Variants in PIAS3 observed in about 807,000 individuals in gnomAD.
PIAS3 encodes E3 SUMO-protein ligase PIAS3.
In PIAS3, 34 loss-of-function variants were observed where a neutral mutation model predicts 67.6. That is an observed-to-expected ratio of 0.50 (90% CI 0.38 to 0.67). The LOEUF is 0.67. PIAS3 is among the 30% of genes least tolerant of loss of function. The pLI is 0.00. For synonymous variants in PIAS3, 341 were observed against 313.8 expected (o/e 1.09, Z -0.92); for missense variants, 693 against 791.6 (o/e 0.88, Z 1.49).
intron 13 of PIAS3, 89 bp downstream of exon 13, chr1:145,850,143 C>T: frequency 6.9e-6 from 11 of 1,600,192 alleles, no homozygotes; most frequent in Non-Finnish European, 8.5e-6. Flanking sequence ...ATTTACATCC[C>T]CAGAGATCAT....
Position 145,850,599 on chromosome 1 carries a change from A to G in PIAS3, c.1449-13T>C, listed in dbSNP as rs1553734027. The G allele has an allele frequency of 1.9e-6, 3 of 1,611,810 alleles. No individual in the cohort carries two copies. Among genetic ancestry groups the G allele is most frequent in the Admixed American group, 3.3e-5 (2 of 59,980 alleles). Reference sequence around the variant, plus strand: ...AGATGTCAGGACTCTGTGGGTAGAGAGGAGCTGAGGCAGCCAGCAAACCAC... The same window carrying G: ...AGATGTCAGGACTCTGTGGGTAGAGGGGAGCTGAGGCAGCCAGCAAACCAC... On this transcript the variant is annotated splice_polypyrimidine_tract_variant and intron_variant, in intron 11 of 13. Transcript: ENST00000393045.
rs782434903 is a variant in PIAS3 at position 145,856,429 on chromosome 1, A to G, written c.445T>C (p.Ser149Pro). 1.9e-6 allele frequency: 3 copies of G among 1,614,036 alleles called. No homozygotes were observed. The highest frequency in any genetic ancestry group is 1.7e-6 in the Non-Finnish European group (2 of 1,179,900). ...TCCTCAAACCGCTGGCTAGAAGTGG[A>G]TGCTGAGGATACAAAGGGGCAGTTA... is the stretch of plus-strand genomic sequence containing the variant. Reference protein sequence around the residue: ...GELIRPTTLASTSSQRFEEAH... With the variant: ...GELIRPTTLAPTSSQRFEEAH... Residue 149 changes from serine to proline, a missense_variant and splice_region_variant, in exon 3 of 14, where the codon TCC becomes CCC. By Grantham distance (74) the Ser-to-Pro change is moderately conservative. Coordinates refer to ENST00000393045, the MANE Select transcript of PIAS3 (RefSeq NM_006099.3).
rs1653306478 is a variant in PIAS3, at chr1:145,858,885, C to T, written c.24+82G>A. On this transcript the variant is annotated intron_variant, in intron 1 of 13. Transcript: ENST00000393045. ...ACGTCGTCGGCGCCCACCCGAGCCC[C>T]GGCACCCAGTCTCGGTCGCTTCCCG... 8.4e-6 allele frequency: 11 copies of T among 1,315,608 alleles called. No homozygotes were observed. The South Asian group carries it at 1.7e-4, about 20-fold the overall frequency. The allele number at this position is 1,315,608 out of a possible 1,614,324, so 81.5% of individuals were successfully genotyped here. A position where few individuals can be genotyped will look rare whatever the true frequency, so the allele number is the denominator to read the frequency against.
chr1:145,850,129 G>T, intron 13 of PIAS3, 103 bp downstream of exon 13: 1 of 1,584,034 alleles, frequency 6.3e-7, no homozygotes, highest in Non-Finnish European at 8.6e-7. Flanking sequence ...TCACGGGAAA[G>T]CAGATTTACA....
chr1:145,850,379 A>C (rs1652907412), intron 12 of PIAS3, 74 bp downstream of exon 12: 1 of 1,611,026 alleles, frequency 6.2e-7, no homozygotes, highest in African/African-American at 1.3e-5. Context: ...AGGCTTTGAG[A>C]AGGAACAGGG....
Position 145,853,514 on chromosome 1 carries a change from T to C in PIAS3, c.1135A>G (p.Ile379Val), listed in dbSNP as rs782673556. Residue 379 changes from isoleucine (I) to valine (V), a missense_variant, in exon 9 of 14, where the codon ATC (isoleucine) becomes GTC (valine). Ile to Val is a conservative substitution (Grantham distance 29, BLOSUM62 3). This residue lies in a region of PIAS3 where 115 missense variants were observed against 181.8 expected (regional missense o/e 0.63). Transcript: ENST00000393045. ...CDKKAPYESL[I>V]IDGLFMEILS... ...GCAAAATGGCCCTACCCATCAATGA[T>C]AAGAGATTCATAGGGAGCCTTCTTG... The C allele has an allele frequency of 3.1e-6, 5 of 1,610,086 alleles. No homozygotes were observed. The highest frequency in any genetic ancestry group is 4.2e-6 in the Non-Finnish European group (5 of 1,177,940).
In PIAS3 at chr1:145,849,608, G is replaced by C. The variant is rs1553733618; in HGVS notation, c.1725C>G (p.Pro575=). Residue 575 remains proline, a synonymous_variant, in exon 14 of 14, where the codon CCC becomes CCG. Coordinates refer to ENST00000393045, the MANE Select transcript of PIAS3 (RefSeq NM_006099.3). Reference sequence around the variant, plus strand: ...CGCTGCAGTGGGAGCTCCCCAGCGTGGGGGCCAGTGGGCCCAGAAAGTGAG... The same window carrying C: ...CGCTGCAGTGGGAGCTCCCCAGCGTCGGGGCCAGTGGGCCCAGAAAGTGAG... ...TPSHFLGPLA[P]TLGSSHCSAT... 2 of 1,613,340 alleles carry C rather than the reference G, an allele frequency of 1.2e-6. No homozygotes were observed. The highest frequency in any genetic ancestry group is 1.7e-6 in the Non-Finnish European group (2 of 1,179,664).
chr1:145,856,512 C>T (rs1653192810), intron 2 of PIAS3, 77 bp downstream of exon 2: 18 of 1,599,952 alleles, frequency 1.1e-5, no homozygotes, highest in Non-Finnish European at 1.5e-5. Flanking sequence ...TCACTGATCC[C>T]ATAGGACTAA....
In PIAS3 at chr1:145,850,805, A is replaced by T. The variant is rs1553734118; in HGVS notation, c.1414T>A (p.Ser472Thr). The T allele has an allele frequency of 6.2e-7, 1 of 1,614,196 alleles. No individual in the cohort carries two copies. The highest frequency in any genetic ancestry group is 8.5e-7 in the Non-Finnish European group (1 of 1,180,030). ...CCAGGTAGGGCCGGGATGGCAGCTGAGGTGACAGAACAGTGCTTCTTGGTA... is the reference window on the plus strand; with the variant it reads ...CCAGGTAGGGCCGGGATGGCAGCTGTGGTGACAGAACAGTGCTTCTTGGTA... ...PPTKKHCSVT[S>T]AAIPALPGSK... Residue 472 changes from serine (S) to threonine (T), a missense_variant, in exon 11 of 14, where the codon TCA becomes ACA. Ser to Thr is a moderately conservative substitution (Grantham distance 58). Coordinates refer to ENST00000393045, the MANE Select transcript of PIAS3 (RefSeq NM_006099.3).
At chr1:145,856,002 T>C (rs921255788) in intron 4 of PIAS3, 66 bp downstream of exon 4, 52 of 1,285,880 alleles carry the variant, frequency 4.0e-5, no homozygotes, top group African/African-American at 2.0e-4. Context: ...TAAGGGTATC[T>C]GTCATACCCC....
chr1:145,849,320 G>T lies in PIAS3; in HGVS notation c.*126C>A. The T allele has an allele frequency of 1.1e-6, 1 of 952,326 alleles. No homozygotes were observed. The highest frequency in any genetic ancestry group is 1.4e-6 in the Non-Finnish European group (1 of 696,038). The allele number at this position is 952,326 out of a possible 1,614,324, so 59.0% of individuals were successfully genotyped here. On this transcript the variant is annotated 3_prime_UTR_variant, in exon 14 of 14. Transcript: ENST00000393045. ...CAGGCAGAGATGAGGCCAAAAGTAG[G>T]CATCTGTGAAGGTCTGTCTGGCCCT...
chr1:145,854,005 G>A, intron 7 of PIAS3, 119 bp from the exon 8 acceptor site: 1 of 776,994 alleles, frequency 1.3e-6, no homozygotes, highest in Non-Finnish European at 2.1e-6. Flanking sequence ...CGTCTTTGGG[G>A]GCCAGTGGGA....
rs148083672 is a variant in PIAS3 at position 145,849,472 on chromosome 1, G to A, written c.1861C>T (p.Arg621Trp). 5.6e-5 allele frequency: 85 copies of A among 1,508,842 alleles called. No homozygotes were observed. The highest frequency in any genetic ancestry group is 4.7e-4 in the East Asian group (20 of 42,312). The allele number at this position is 1,508,842 out of a possible 1,614,324, so 93.5% of individuals were successfully genotyped here. ...LPSGPSLTGC[R>W]SDIISLD is the part of the protein sequence containing the mutation. The stretch of plus-strand genomic sequence containing the variant: ...CAGTCCAGGGAAATGATGTCTGACC[G>A]ACAGCCAGTCAAAGAGGGACCTGAG... The change falls in exon 14 of 14, where the codon CGG becomes TGG. Residue 621 changes from arginine (R) to tryptophan (W), a missense_variant. Transcript: ENST00000393045.
rs782158215 is a variant in PIAS3 at position 145,849,639 on chromosome 1, G to T, written c.1694C>A (p.Thr565Asn). 25 of 1,613,410 alleles carry T rather than the reference G, an allele frequency of 1.5e-5. 3 individuals carry two copies. Among genetic ancestry groups the T allele is most frequent in the African/African-American group, 1.3e-4 (10 of 75,038 alleles). ...CAGTGGGCCCAGAAAGTGAGAAGGG[G>T]TCCCTCGGTACTGGAAGAAGTGGCC... ...ALGHFFQYRG[T>N]PSHFLGPLAP... The change falls in exon 14 of 14, where the codon ACC becomes AAC. Residue 565 changes from threonine to asparagine, a missense_variant. By Grantham distance (65) the Thr-to-Asn change is moderately conservative. Transcript: ENST00000393045.
chr1:145,853,012 C>G (rs1306199545), intron 9 of PIAS3, among the ~76,000 whole-genome samples: 1 of 152,036 alleles, frequency 6.6e-6, no homozygotes, highest in African/African-American at 2.4e-5. Flanking sequence ...CACACACACA[C>G]AGACTGGTAA....
chr1:145,857,301 A>C (rs1570780255), intron 1 of PIAS3: 1 of 447,876 alleles, frequency 2.2e-6, no homozygotes, highest in South Asian at 2.6e-5. Flanking sequence ...ACAGCAAGCC[A>C]CCCTCAGACA....
chr1:145,851,628 C>T (rs1652966628), intron 9 of PIAS3, among the ~76,000 whole-genome samples: 1 of 137,570 alleles, frequency 7.3e-6, no homozygotes, highest in African/African-American at 2.8e-5. Context: ...TGTTCTCCAC[C>T]CTGGGAAACA....
At chr1:145,857,826 C>A (rs1570780925) in intron 1 of PIAS3, among the ~76,000 whole-genome samples, 1 of 152,180 alleles carries the variant, frequency 6.6e-6, no homozygotes. Flanking sequence ...AATTAATACT[C>A]CTCTACAACT....
intron 5 of PIAS3, among the ~76,000 whole-genome samples, chr1:145,855,518 T>C (rs1226408347): frequency 6.6e-6 from 1 of 151,942 alleles, no homozygotes; most frequent in African/African-American, 2.4e-5. Context: ...CTTTCTTACA[T>C]CTCGGGTTGA....
Sources: gnomAD v4.1 joint callset for allele counts (sites outside exome capture counted in the v4.1 genomes callset) on GRCh38, gnomAD v4.1.1 for gene constraint, gnomAD v4.1.1 regional missense constraint, MANE v1.5 for transcripts, NCBI Gene and HGNC (gene_info 2026-07-23, HGNC 2026-07-21) for gene names.